The following PACRG variants were observed in gnomAD, a reference collection of about 807,000 sequenced individuals.
PACRG encodes the protein parkin coregulated.
In PACRG, 29 loss-of-function variants were observed where a neutral mutation model predicts 29.7. The ratio of observed to expected loss-of-function variants is 0.98; its 90% CI spans 0.73 to 1.33. PACRG has a LOEUF of 1.33. Among genes scored for constraint, PACRG ranks in the 40% most tolerant of loss-of-function variants. The probability of loss-of-function intolerance (pLI) is 0.00; values close to 1 mark genes in which losing one functional copy is unlikely to be tolerated. For synonymous variants in PACRG, 116 were observed against 118.7 expected (o/e 0.98, Z 0.15); for missense variants, 279 against 316.2 (o/e 0.88, Z 0.89).
chr6:163,166,895 C>T (rs6912071), intron 4 of PACRG, among the ~76,000 whole-genome samples: 2,158 of 152,238 alleles, frequency 0.014, 55 homozygotes, highest in African/African-American at 0.049. Flanking sequence ...CCTAGTCCAC[C>T]GTAATGTCCT....
At chr6:162,934,231 C>T (rs1798074968) in intron 2 of PACRG, among the ~76,000 whole-genome samples, 1 of 151,646 alleles carries the variant, frequency 6.6e-6, no homozygotes, top group African/African-American at 2.4e-5. Context: ...CCACTGCACT[C>T]CAGCCTGGCC....
At chr6:163,236,988 A>G (rs1290302097) in intron 4 of PACRG, among the ~76,000 whole-genome samples, 2 of 152,178 alleles carry the variant, frequency 1.3e-5, no homozygotes, top group South Asian at 2.1e-4. Context: ...TCATGAGAAC[A>G]GCAAGGGGAA....
At chr6:163,025,037 C>T (rs1387401804) in intron 2 of PACRG, among the ~76,000 whole-genome samples, 4 of 152,086 alleles carry the variant, frequency 2.6e-5, no homozygotes, top group African/African-American at 4.8e-5. Context: ...ATCTGACATC[C>T]CTCCATGATA....
chr6:163,177,535 C>T (rs1779425877), intron 4 of PACRG, among the ~76,000 whole-genome samples: 1 of 151,852 alleles, frequency 6.6e-6, no homozygotes, highest in Non-Finnish European at 1.5e-5. Flanking sequence ...AAGAAAGGCT[C>T]CAGGCTGTGG....
In PACRG at chr6:162,978,435, GTCTC is replaced by G. The variant is rs1195664047; in HGVS notation, c.292-83711_292-83708del. Among the ~76,000 whole-genome samples the G allele has an allele frequency of 2.0e-5, 3 of 151,626 alleles. No individual in the cohort carries two copies. The East Asian group carries it at 5.9e-4, about 30-fold the overall frequency. ...TACATCTCTCTCTGGCTCTATCTCTGTCTCTCTATCTCTGTCTGCCTGTCTGTCT... is the reference window on the plus strand; with the variant it reads ...TACATCTCTCTCTGGCTCTATCTCTGTCTATCTCTGTCTGCCTGTCTGTCT... On this transcript the variant is annotated intron_variant, in intron 2 of 4. Transcript: ENST00000366888.
chr6:162,820,793 C>T (rs1301372344), intron 2 of PACRG, among the ~76,000 whole-genome samples: 1 of 152,050 alleles, frequency 6.6e-6, no homozygotes, highest in East Asian at 1.9e-4. Context: ...GTTTCTATTT[C>T]TTTTGATAAC....
intron 4 of PACRG, among the ~76,000 whole-genome samples, chr6:163,208,686 C>A (rs565312925): frequency 1.3e-5 from 2 of 152,236 alleles, no homozygotes; most frequent in African/African-American, 4.8e-5. Flanking sequence ...CAAGATATAT[C>A]TTCTTTGCAT....
chr6:163,201,980 G>T (rs1193478399), intron 4 of PACRG, among the ~76,000 whole-genome samples: 3 of 152,218 alleles, frequency 2.0e-5, no homozygotes, highest in Non-Finnish European at 2.9e-5. Context: ...GCTTCCCAGA[G>T]GTGGGCTTAG....
At chr6:162,880,796 C>G (rs966324127) in intron 2 of PACRG, among the ~76,000 whole-genome samples, 13 of 152,042 alleles carry the variant, frequency 8.6e-5, no homozygotes, top group African/African-American at 3.1e-4. Context: ...TCCGAGATAC[C>G]CTAAAACTAC....
At chr6:162,789,801 T>C (rs780241416) in intron 1 of PACRG, among the ~76,000 whole-genome samples, 17 of 152,220 alleles carry the variant, frequency 1.1e-4, no homozygotes, top group Non-Finnish European at 2.1e-4. Context: ...GTGAGATAAC[T>C]GTGCCAAAAT....
At chr6:163,155,016 T>C (rs1778254834) in intron 4 of PACRG, among the ~76,000 whole-genome samples, 1 of 152,084 alleles carries the variant, frequency 6.6e-6, no homozygotes, top group Admixed American at 6.5e-5. Flanking sequence ...TGACTTATCC[T>C]TGGCCTCCAA....
chr6:163,068,154 T>C (rs1012228131), intron 3 of PACRG, among the ~76,000 whole-genome samples: 2 of 152,218 alleles, frequency 1.3e-5, no homozygotes, highest in Non-Finnish European at 2.9e-5. Flanking sequence ...CCTCTTTCCT[T>C]AGCTCTTTGT....
At chr6:162,936,779 T>G (rs535545333) in intron 2 of PACRG, among the ~76,000 whole-genome samples, 34 of 152,168 alleles carry the variant, frequency 2.2e-4, no homozygotes, top group African/African-American at 8.2e-4. Flanking sequence ...TTGAAAAGTA[T>G]ATATCTGTAA....
intron 4 of PACRG, among the ~76,000 whole-genome samples, chr6:163,300,916 T>G (rs1784970401): frequency 9.4e-6 from 1 of 106,670 alleles, no homozygotes; most frequent in Non-Finnish European, 2.3e-5. Context: ...TCCCATGAGT[T>G]TAGTAGGGCC....
intron 2 of PACRG, among the ~76,000 whole-genome samples, chr6:163,032,824 G>A (rs1365437190): frequency 6.6e-6 from 1 of 152,122 alleles, no homozygotes; most frequent in Non-Finnish European, 1.5e-5. Context: ...TGACCATAAG[G>A]TAAGATTCTT....
intron 4 of PACRG, among the ~76,000 whole-genome samples, chr6:163,094,171 T>A (rs1814364297): frequency 6.6e-6 from 1 of 152,172 alleles, no homozygotes; most frequent in Non-Finnish European, 1.5e-5. Flanking sequence ...AACAAAACCT[T>A]CAGTTTTTCT....
chr6:163,226,200 T>C (rs1446953449), intron 4 of PACRG, among the ~76,000 whole-genome samples: 1 of 152,184 alleles, frequency 6.6e-6, no homozygotes, highest in Non-Finnish European at 1.5e-5. Context: ...AGCAGGAGCC[T>C]GGGGAAGGAA....
intron 1 of PACRG, among the ~76,000 whole-genome samples, chr6:162,782,686 G>A (rs560666096): frequency 1.3e-5 from 2 of 151,862 alleles, no homozygotes; most frequent in Non-Finnish European, 3.0e-5. Context: ...ACTTTGCTGA[G>A]TTACCTAAAG....
At chr6:162,768,680 T>C (rs866810526) in intron 1 of PACRG, among the ~76,000 whole-genome samples, 39 of 152,144 alleles carry the variant, frequency 2.6e-4, no homozygotes, top group African/African-American at 9.2e-4. Flanking sequence ...AAGTCTAAGT[T>C]GATCAAAGTT....
Sources: allele counts gnomAD v4.1 joint callset (sites outside exome capture counted in the v4.1 genomes callset), GRCh38; gene constraint gnomAD v4.1.1; transcripts MANE v1.5; gene names NCBI Gene and HGNC (gene_info 2026-07-23, HGNC 2026-07-21).